The following ZNF813 variants were observed in gnomAD, a reference collection of about 807,000 sequenced individuals.
ZNF813 encodes the protein zinc finger protein 813.
In ZNF813, 3 loss-of-function variants were observed where a neutral mutation model predicts 7.2. The ratio of observed to expected loss-of-function variants is 0.42; its 90% confidence interval spans 0.19 to 1.08. The LOEUF (loss-of-function observed/expected upper bound fraction) is 1.08, where lower values mean the gene tolerates loss of function less well. ZNF813 is among the 50% of genes least tolerant of loss of function. The probability of loss-of-function intolerance (pLI) is 0.30; values close to 1 mark genes in which losing one functional copy is unlikely to be tolerated. For missense variants in ZNF813, 714 were observed against 753.3 expected (o/e 0.95, Z 0.61); for synonymous variants, 227 against 256.3 (o/e 0.89, Z 1.09).
chr19:53,476,824 T>A, intron 1 of ZNF813, among the ~76,000 whole-genome samples: 1 of 151,954 alleles, frequency 6.6e-6, no homozygotes, highest in African/African-American at 2.4e-5. Context: ...CCACCACGCC[T>A]GGCTAATTTT....
At chr19:53,490,240 G>A (rs879547186) in intron 3 of ZNF813, 135 bp from the exon 4 acceptor site, 36 of 1,025,044 alleles carry the variant, frequency 3.5e-5, no homozygotes, top group Middle Eastern at 2.6e-4. Flanking sequence ...AGAATCTTAC[G>A]CTTTTGTGTT....
chr19:53,473,288 A>T (rs1280688537), intron 1 of ZNF813, among the ~76,000 whole-genome samples: 1 of 152,058 alleles, frequency 6.6e-6, no homozygotes, highest in Non-Finnish European at 1.5e-5. Context: ...TGACTAGAGC[A>T]GGGCTTGTCC....
chr19:53,472,629 T>TTTTTTTTTTG (rs2086365100), intron 1 of ZNF813, among the ~76,000 whole-genome samples: 1 of 149,646 alleles, frequency 6.7e-6, no homozygotes, highest in Non-Finnish European at 1.5e-5. Context: ...TTTTTTTTTT[T>TTTTTTTTTTG]GAGATGGAGT....
chr19:53,484,603 C>T (rs2086424080), intron 2 of ZNF813, among the ~76,000 whole-genome samples: 1 of 152,174 alleles, frequency 6.6e-6, no homozygotes, highest in African/African-American at 2.4e-5. Context: ...CTTGGTCTGT[C>T]ACCTAGGCTG....
chr19:53,490,237 T>TA (rs1353135434), intron 3 of ZNF813, 138 bp from the exon 4 acceptor site: 1 of 1,009,246 alleles, frequency 9.9e-7, no homozygotes, highest in Admixed American at 2.8e-5. Flanking sequence ...TAAAGAATCT[T>TA]ACGCTTTTGT....
chr19:53,481,060 C>A (rs1237965949), intron 1 of ZNF813, among the ~76,000 whole-genome samples: 1 of 152,108 alleles, frequency 6.6e-6, no homozygotes, highest in Non-Finnish European at 1.5e-5. Context: ...AGCACATGAT[C>A]TATAGATGTG....
chr19:53,483,989 T>TA (rs1034612942), intron 2 of ZNF813, among the ~76,000 whole-genome samples, 152 bp downstream of exon 2: 2 of 152,116 alleles, frequency 1.3e-5, no homozygotes, highest in African/African-American at 4.8e-5. Context: ...TTTTCTCACT[T>TA]AGATTCCATC....
chr19:53,477,995 G>C (rs952295245), intron 1 of ZNF813, among the ~76,000 whole-genome samples: 2 of 152,134 alleles, frequency 1.3e-5, no homozygotes, highest in African/African-American at 4.8e-5. Flanking sequence ...CATGTACATT[G>C]TATAAATCTT....
Position 53,489,132 on chromosome 19 carries a change from C to T in ZNF813, c.143-1243C>T, listed in dbSNP as rs565157064. 3.9e-5 allele frequency among the ~76,000 whole-genome samples: 6 copies of T among 152,112 alleles called. No individual in the cohort carries two copies. The East Asian group carries it at 9.8e-4, about 25-fold the overall frequency. ...AGTGATTCTCCTGCCTCAGCCTTCC[C>T]GAGTAGCTGGGATTACAGGCATGAG... On this transcript the variant is annotated intron_variant, in intron 3 of 3. Coordinates refer to ENST00000396403, the MANE Select transcript of ZNF813 (RefSeq NM_001004301.4).
At chr19:53,482,859 A>C (rs957675746) in intron 1 of ZNF813, among the ~76,000 whole-genome samples, 4 of 150,182 alleles carry the variant, frequency 2.7e-5, no homozygotes, top group Non-Finnish European at 4.4e-5. Flanking sequence ...CAAGTAGCTG[A>C]GAGTACAGGT....
intron 2 of ZNF813, among the ~76,000 whole-genome samples, chr19:53,484,238 A>G (rs2086422428): frequency 1.3e-5 from 2 of 152,190 alleles, no homozygotes; most frequent in Admixed American, 1.3e-4. Context: ...GGTAAATTCT[A>G]GAAAAGGCAA....
intron 1 of ZNF813, among the ~76,000 whole-genome samples, chr19:53,475,905 CTA>C (rs1262602651): frequency 6.6e-6 from 1 of 152,148 alleles, no homozygotes; most frequent in Non-Finnish European, 1.5e-5. Context: ...TGCTTGAAGT[CTA>C]TTTCTTGATT....
intron 1 of ZNF813, chr19:53,479,300 C>T (rs963411606): frequency 3.3e-5 from 52 of 1,558,776 alleles, no homozygotes; most frequent in Admixed American, 1.7e-4. Context: ...GCTGCAATGC[C>T]GAATGGAGGA....
chr19:53,482,107 C>T (rs1304556018), intron 1 of ZNF813, among the ~76,000 whole-genome samples: 13 of 152,204 alleles, frequency 8.5e-5, no homozygotes, highest in Admixed American at 5.9e-4. Context: ...AAATAGAGTA[C>T]GTGTCTGGGT....
intron 1 of ZNF813, among the ~76,000 whole-genome samples, chr19:53,480,715 A>G (rs56082916): frequency 0.11 from 17,143 of 152,114 alleles, 1,112 homozygotes; most frequent in African/African-American, 0.17. Context: ...TTCTTTCCTT[A>G]TGTCATCTGT....
At chr19:53,485,272 C>T (rs2086426642) in intron 2 of ZNF813, among the ~76,000 whole-genome samples, 1 of 152,096 alleles carries the variant, frequency 6.6e-6, no homozygotes, top group African/African-American at 2.4e-5. Flanking sequence ...GAGAGGATTC[C>T]ACCCTGCCCC....
At chr19:53,474,561 T>C (rs1026172545) in intron 1 of ZNF813, among the ~76,000 whole-genome samples, 44 of 152,170 alleles carry the variant, frequency 2.9e-4, no homozygotes, top group African/African-American at 1.0e-3. Flanking sequence ...TGATGGCAGG[T>C]GCCTGTAATA....
Position 53,491,101 on chromosome 19 carries a change from G to A in ZNF813, c.869G>A (p.Arg290His), listed in dbSNP as rs201252816. ...CAGACGTATTCCCTTACATGCCATC[G>A]TAGACTTCATACTGGAGAGAAACCT... ...FSQTYSLTCHRRLHTGEKPYK... is the reference protein window; with the variant it reads ...FSQTYSLTCHHRLHTGEKPYK... Residue 290 changes from arginine (R) to histidine (H), a missense_variant, in exon 4 of 4, where the codon CGT (arginine) becomes CAT (histidine). By Grantham distance (29) the Arg-to-His change is conservative. This residue lies in a region of ZNF813 where 563 missense variants were observed against 554.2 expected (regional missense o/e 1.02). Coordinates refer to ENST00000396403, the MANE Select transcript of ZNF813 (RefSeq NM_001004301.4). 5.9e-4 allele frequency: 945 copies of A among 1,613,812 alleles called. 2 individuals are homozygous for A. Among genetic ancestry groups the A allele is most frequent in the Non-Finnish European group, 7.4e-4 (872 of 1,179,932 alleles).
intron 1 of ZNF813, among the ~76,000 whole-genome samples, chr19:53,471,961 C>T (rs12459833): frequency 0.28 from 43,251 of 151,792 alleles, 6,227 homozygotes; most frequent in East Asian, 0.43. Flanking sequence ...AATGCTTAAG[C>T]TGCTAGCAAT....
Sources: allele counts gnomAD v4.1 joint callset (sites outside exome capture counted in the v4.1 genomes callset), GRCh38; gene constraint gnomAD v4.1.1; regional missense constraint gnomAD v4.1.1; transcripts MANE v1.5; gene names NCBI Gene and HGNC (gene_info 2026-07-23, HGNC 2026-07-21).